DSCAML1: variants seen among roughly 807,000 people sequenced by gnomAD.
The protein encoded by DSCAML1 is cell adhesion molecule DSCAML1.
In DSCAML1, 38 loss-of-function variants were observed where a neutral mutation model predicts 200.5. The ratio of observed to expected loss-of-function variants is 0.19; its 90% CI spans 0.15 to 0.25. The LOEUF (loss-of-function observed/expected upper bound fraction) is 0.25, where lower values mean the gene tolerates loss of function less well. Ranked by LOEUF, DSCAML1 falls within the 10% of genes least tolerant of loss-of-function variation. The probability of loss-of-function intolerance (pLI) is 1.00; values close to 1 mark genes in which losing one functional copy is unlikely to be tolerated. For missense variants in DSCAML1, 2,223 were observed against 2,858.8 expected, an observed-to-expected ratio of 0.78 and a Z score of 5.07; for synonymous variants, 1,215 against 1,165.0, an observed-to-expected ratio of 1.04 and a Z score of -0.87.
chr11:117,540,184 G>C (rs985040311), intron 3 of DSCAML1, among the ~76,000 whole-genome samples: 1 of 152,230 alleles, frequency 6.6e-6, no homozygotes, highest in African/African-American at 2.4e-5. Context: ...CCGTGGACCA[G>C]TACCTGTTCG....
intron 20 of DSCAML1, among the ~76,000 whole-genome samples, chr11:117,445,133 G>A (rs1185470861): frequency 1.3e-5 from 2 of 152,224 alleles, no homozygotes; most frequent in African/African-American, 4.8e-5. Flanking sequence ...TGGGCACAGA[G>A]GGACATTCTT....
At chr11:117,604,671 G>T (rs901575171) in intron 3 of DSCAML1, among the ~76,000 whole-genome samples, 2 of 152,224 alleles carry the variant, frequency 1.3e-5, no homozygotes, top group Non-Finnish European at 2.9e-5. Flanking sequence ...GTTGAATCTT[G>T]CTCTCTGCCT....
rs1052394352 is a variant in DSCAML1, at chr11:117,437,524, A to G, written c.4433-115T>C. Reference sequence around the variant, plus strand: ...CAGCTGGGATGGCAGTGGCTCCAGGAGAATACATGTTTGGCACAGATGGGG... The same window carrying G: ...CAGCTGGGATGGCAGTGGCTCCAGGGGAATACATGTTTGGCACAGATGGGG... On this transcript the variant is annotated intron_variant, in intron 25 of 32. Coordinates refer to ENST00000651296, the MANE Select transcript of DSCAML1 (RefSeq NM_020693.4). The surrounding 1 kb of genome is among the most constrained non-coding windows in gnomAD (Gnocchi z 5.3). 2 of 1,282,134 alleles carry G rather than the reference A, an allele frequency of 1.6e-6. 1 individual carries two copies. The highest frequency in any genetic ancestry group is 2.9e-5 in the South Asian group (2 of 69,742). The allele number at this position is 1,282,134 out of a possible 1,614,324, so 79.4% of individuals were successfully genotyped here.
chr11:117,461,206 T>C (rs1393243690), intron 18 of DSCAML1, among the ~76,000 whole-genome samples: 1 of 150,950 alleles, frequency 6.6e-6, no homozygotes, highest in Non-Finnish European at 1.5e-5. Flanking sequence ...CCCCCCACCT[T>C]GCTCCTGGCT....
At chr11:117,587,029 C>T (rs958754765) in intron 3 of DSCAML1, among the ~76,000 whole-genome samples, 2 of 152,150 alleles carry the variant, frequency 1.3e-5, no homozygotes, top group East Asian at 3.9e-4. Flanking sequence ...AACACGTCAG[C>T]TCTTCTCTGG....
chr11:117,529,547 C>T (rs2050036457), intron 4 of DSCAML1, among the ~76,000 whole-genome samples: 1 of 152,212 alleles, frequency 6.6e-6, no homozygotes, highest in African/African-American at 2.4e-5. Context: ...TAATTCATAA[C>T]TGCCATCTTA....
intron 3 of DSCAML1, among the ~76,000 whole-genome samples, chr11:117,583,018 A>G (rs557100841): frequency 6.6e-6 from 1 of 150,900 alleles, no homozygotes; most frequent in Non-Finnish European, 1.5e-5. Context: ...TATTATTATT[A>G]TTGTAGCACT....
At chr11:117,796,985 C>T in intron 1 of DSCAML1, 49 bp downstream of exon 1, 2 of 1,266,702 alleles carry the variant, frequency 1.6e-6, no homozygotes, top group Middle Eastern at 4.2e-4. Context: ...CCAGCCGCGC[C>T]ACCCTGGCCC....
chr11:117,751,013 C>G (rs184095966), intron 3 of DSCAML1, among the ~76,000 whole-genome samples: 1 of 152,094 alleles, frequency 6.6e-6, no homozygotes, highest in African/African-American at 2.4e-5. Context: ...AGGCCTCGTG[C>G]TTTTGGGGGT....
intron 3 of DSCAML1, among the ~76,000 whole-genome samples, chr11:117,736,488 G>A (rs925337450): frequency 1.3e-5 from 2 of 152,192 alleles, no homozygotes; most frequent in Non-Finnish European, 2.9e-5. Context: ...AACCAACCCT[G>A]GTGCAAAATG....
chr11:117,460,412 G>A (rs891741186), intron 18 of DSCAML1, among the ~76,000 whole-genome samples: 2 of 152,174 alleles, frequency 1.3e-5, no homozygotes, highest in African/African-American at 4.8e-5. Context: ...ACAAATGACT[G>A]TGAGCTGGAT....
At position 117,780,280 on chromosome 11, in the gene DSCAML1, G is replaced by GA. The variant is rs1334789799; in HGVS notation, c.364+212dup. 1.5e-4 allele frequency among the ~76,000 whole-genome samples: 14 copies of GA among 96,406 alleles called. No homozygotes were observed. Among genetic ancestry groups the GA allele is most frequent in the African/African-American group, 4.5e-4 (14 of 30,804 alleles). 63.2% of individuals were successfully genotyped at this position (96,406 alleles called of 152,430 possible). On this transcript the variant is annotated intron_variant, in intron 2 of 32. Coordinates refer to ENST00000651296, the MANE Select transcript of DSCAML1 (RefSeq NM_020693.4). The surrounding 1 kb of genome is among the most constrained non-coding windows in gnomAD (Gnocchi z 4.8). Reference sequence around the variant, plus strand: ...AGAAAGAAAGAAAGAAAGAAAGAAAGAAAGAAAGAAAGAAAGAAAGAAAGA... The same window carrying GA: ...AGAAAGAAAGAAAGAAAGAAAGAAAGAAAAGAAAGAAAGAAAGAAAGAAAGA...
At chr11:117,450,741 G>T in intron 19 of DSCAML1, 53 bp from the exon 20 acceptor site, 1 of 1,581,760 alleles carries the variant, frequency 6.3e-7, no homozygotes, top group East Asian at 2.3e-5. Flanking sequence ...CACAGCCTTT[G>T]GGGAAAATGA....
intron 1 of DSCAML1, among the ~76,000 whole-genome samples, chr11:117,785,398 A>G (rs1205831650): frequency 6.6e-6 from 1 of 151,964 alleles, no homozygotes; most frequent in African/African-American, 2.4e-5. Context: ...AAGGGGGGGC[A>G]CTCCCAGAGA....
chr11:117,511,765 G>A (rs915292723), intron 8 of DSCAML1, among the ~76,000 whole-genome samples: 1 of 152,252 alleles, frequency 6.6e-6, no homozygotes, highest in African/African-American at 2.4e-5. Flanking sequence ...CAGGAATGTT[G>A]CCTTACGGGA....
intron 11 of DSCAML1, among the ~76,000 whole-genome samples, chr11:117,502,709 G>A (rs1202147002): frequency 6.6e-6 from 1 of 152,108 alleles, no homozygotes; most frequent in Non-Finnish European, 1.5e-5. Context: ...CACCCTGGAG[G>A]GACTGCCACT....
intron 11 of DSCAML1, among the ~76,000 whole-genome samples, chr11:117,484,779 C>CGGACTGG (rs1460635504): frequency 5.9e-5 from 9 of 152,110 alleles, no homozygotes; most frequent in Admixed American, 1.3e-4. Flanking sequence ...GGCTCGTAAG[C>CGGACTGG]GGACTGGGGA....
Position 117,705,025 on chromosome 11 carries a change from C to T in DSCAML1, c.511+71766G>A, listed in dbSNP as rs145642988. Reference sequence around the variant, plus strand: ...ATGTGTGTGTGGTGCAAAGACTCTGCGTACCCACGCCGAGGGGGGGACGTC... The same window carrying T: ...ATGTGTGTGTGGTGCAAAGACTCTGTGTACCCACGCCGAGGGGGGGACGTC... On this transcript the variant is annotated intron_variant, in intron 3 of 32. Transcript: ENST00000651296. Among the ~76,000 whole-genome samples the T allele has an allele frequency of 4.2e-4, 64 of 152,232 alleles. 1 individual carries two copies. The East Asian group carries it at 7.7e-3, about 18-fold the overall frequency.
chr11:117,769,065 A>AT (rs1284070845), intron 3 of DSCAML1, among the ~76,000 whole-genome samples: 3 of 7,338 alleles, frequency 4.1e-4, no homozygotes, highest in African/African-American at 5.6e-4. Flanking sequence ...ATCTCAAAAA[A>AT]ATATATATAT....
Sources: allele counts gnomAD v4.1 joint callset (sites outside exome capture counted in the v4.1 genomes callset), GRCh38; gene constraint gnomAD v4.1.1; non-coding constraint Gnocchi (gnomAD v3.1); transcripts MANE v1.5; gene names NCBI Gene and HGNC (gene_info 2026-07-23, HGNC 2026-07-21).